The following CTNNA2 variants were observed in gnomAD, a reference collection of about 807,000 sequenced individuals.
CTNNA2 encodes catenin alpha 2, also known as catenin alpha-2.
A neutral mutation model predicts 101.0 loss-of-function variants in CTNNA2; 42 were observed. The ratio of observed to expected loss-of-function variants is 0.42; its 90% CI spans 0.32 to 0.54. The LOEUF (loss-of-function observed/expected upper bound fraction) is 0.54. Ranked by LOEUF, CTNNA2 falls within the 20% of genes least tolerant of loss-of-function variation. The pLI, the probability that CTNNA2 is intolerant of heterozygous loss-of-function variation, is 0.14. For synonymous variants in CTNNA2, 450 were observed against 456.4 expected, an observed-to-expected ratio of 0.99 and a Z score of 0.18; for missense variants, 871 against 1,223.1, an observed-to-expected ratio of 0.71 and a Z score of 4.29.
At chr2:79,191,885 G>A (rs1235293193) in intron 1 of CTNNA2, among the ~76,000 whole-genome samples, 1 of 152,136 alleles carries the variant, frequency 6.6e-6, no homozygotes, top group African/African-American at 2.4e-5. Flanking sequence ...GGCTGTATAT[G>A]TGAAAATGTG....
At chr2:80,358,758 A>T (rs1674094992) in intron 7 of CTNNA2, among the ~76,000 whole-genome samples, 1 of 152,148 alleles carries the variant, frequency 6.6e-6, no homozygotes, top group Admixed American at 6.5e-5. Flanking sequence ...TTATATCTCA[A>T]GTCTAACCAG....
chr2:80,306,400 T>C (rs767709140), intron 7 of CTNNA2, among the ~76,000 whole-genome samples: 7 of 109,200 alleles, frequency 6.4e-5, no homozygotes, highest in South Asian at 3.3e-4. Flanking sequence ...TTTTCTTTTC[T>C]TTTCTTTCTT....
At chr2:80,148,216 G>C (rs1036041140) in intron 7 of CTNNA2, among the ~76,000 whole-genome samples, 1 of 152,182 alleles carries the variant, frequency 6.6e-6, no homozygotes, top group East Asian at 1.9e-4. Flanking sequence ...AAAGGCATTG[G>C]CAGATTTCTT....
At chr2:79,414,915 G>A (rs750774898) in intron 4 of CTNNA2, among the ~76,000 whole-genome samples, 6 of 152,078 alleles carry the variant, frequency 3.9e-5, no homozygotes, top group East Asian at 1.9e-4. Flanking sequence ...CACCTGGCCC[G>A]GCCCAAGTTG....
intron 3 of CTNNA2, among the ~76,000 whole-genome samples, chr2:79,758,539 G>A (rs757267667): frequency 2.0e-5 from 3 of 152,138 alleles, no homozygotes; most frequent in African/African-American, 2.4e-5. Flanking sequence ...AATTAACCCC[G>A]TCACCCAGGT....
chr2:79,874,448 T>C, intron 6 of CTNNA2, 106 bp downstream of exon 6: 2 of 1,366,030 alleles, frequency 1.5e-6, no homozygotes, highest in East Asian at 4.6e-5. Flanking sequence ...TTGATTTTTC[T>C]CTTTTGGAGG....
At chr2:80,397,348 C>A (rs1287106495) in intron 8 of CTNNA2, among the ~76,000 whole-genome samples, 1 of 152,160 alleles carries the variant, frequency 6.6e-6, no homozygotes, top group Non-Finnish European at 1.5e-5. Flanking sequence ...AAGATTGTCA[C>A]CATGCTCATT....
intron 1 of CTNNA2, among the ~76,000 whole-genome samples, chr2:79,597,529 AAC>A (rs1162874383): frequency 1.3e-5 from 2 of 152,044 alleles, no homozygotes; most frequent in Non-Finnish European, 2.9e-5. Context: ...GAAAATATGC[AAC>A]AGTGGGACTG....
chr2:79,568,765 T>C (rs1315955633), intron 1 of CTNNA2, among the ~76,000 whole-genome samples: 2 of 148,220 alleles, frequency 1.3e-5, no homozygotes, highest in East Asian at 4.0e-4. Flanking sequence ...CTCACACCTG[T>C]AATCCCAGCA....
intron 2 of CTNNA2, among the ~76,000 whole-genome samples, chr2:79,300,772 T>C (rs1448014583): frequency 6.6e-6 from 1 of 152,226 alleles, no homozygotes; most frequent in East Asian, 1.9e-4. Context: ...TGATTTCAGC[T>C]ATGCCCTCCT....
At chr2:79,933,940 G>A (rs73938420) in intron 7 of CTNNA2, among the ~76,000 whole-genome samples, 24,899 of 152,124 alleles carry the variant, frequency 0.16, 2,112 homozygotes, top group Middle Eastern at 0.24. Context: ...TTAAAGATCA[G>A]TAATAAATAT....
At position 80,318,437 on chromosome 2, in the gene CTNNA2, T is replaced by C. The variant is rs139925492; in HGVS notation, c.1057-74774T>C. Reference sequence around the variant, plus strand: ...AGTGAAGATAGAGTTGGGATAGTTATGTTTAGGTTTGGGTTTTGCCACTTA... The same window carrying C: ...AGTGAAGATAGAGTTGGGATAGTTACGTTTAGGTTTGGGTTTTGCCACTTA... On this transcript the variant is annotated intron_variant, in intron 7 of 18. Coordinates refer to ENST00000402739, the MANE Select transcript of CTNNA2 (RefSeq NM_001282597.3). 3.5e-3 allele frequency among the ~76,000 whole-genome samples: 536 copies of C among 152,232 alleles called. 2 individuals carry two copies. Among genetic ancestry groups the C allele is most frequent in the Non-Finnish European group, 5.9e-3 (400 of 68,008 alleles).
chr2:79,551,028 T>C (rs959822259), intron 1 of CTNNA2, among the ~76,000 whole-genome samples: 1 of 152,208 alleles, frequency 6.6e-6, no homozygotes, highest in Admixed American at 6.5e-5. Context: ...TAAAAATTAT[T>C]ACTGTAGGAA....
chr2:79,523,382 A>G (rs1672224961), intron 1 of CTNNA2: 1 of 245,134 alleles, frequency 4.1e-6, no homozygotes, highest in African/African-American at 2.3e-5. Flanking sequence ...CTTTATTTTC[A>G]TTTTACATAT....
intron 3 of CTNNA2, among the ~76,000 whole-genome samples, chr2:79,353,998 C>A (rs1389184717): frequency 1.3e-5 from 2 of 151,970 alleles, no homozygotes; most frequent in Admixed American, 1.3e-4. Flanking sequence ...TAAAAATAGT[C>A]CCCCAGTCTA....
intron 7 of CTNNA2, among the ~76,000 whole-genome samples, chr2:80,096,464 A>C (rs1215082727): frequency 6.6e-6 from 1 of 152,182 alleles, no homozygotes; most frequent in Non-Finnish European, 1.5e-5. Context: ...GTGGTGCTGA[A>C]AAGAATATAT....
chr2:79,245,646 A>G (rs1674690373), intron 2 of CTNNA2, among the ~76,000 whole-genome samples: 1 of 152,182 alleles, frequency 6.6e-6, no homozygotes, highest in East Asian at 1.9e-4. Flanking sequence ...CATCTCTGGA[A>G]ATAAAATTGT....
At position 80,565,089 on chromosome 2, in the gene CTNNA2, A is replaced by C. The variant is rs187752165; in HGVS notation, c.1742-9074A>C. Among the ~76,000 whole-genome samples, 459 of 152,210 alleles carry C rather than the reference A, an allele frequency of 3.0e-3. 8 individuals carry two copies. Among genetic ancestry groups the C allele is most frequent in the African/African-American group, 0.011 (440 of 41,500 alleles). On this transcript the variant is annotated intron_variant, in intron 12 of 18. Transcript: ENST00000402739. ...ATGAGATAGAAAGGAAATAGTTTCA[A>C]GAGAATATTGGATGAAACTGGGTGG...
chr2:80,288,068 A>G (rs910918979), intron 7 of CTNNA2, among the ~76,000 whole-genome samples: 1 of 152,262 alleles, frequency 6.6e-6, no homozygotes, highest in East Asian at 1.9e-4. Flanking sequence ...GACACCTCAA[A>G]ACCCATTTTT....
Sources: allele counts gnomAD v4.1 joint callset (sites outside exome capture counted in the v4.1 genomes callset), GRCh38; gene constraint gnomAD v4.1.1; transcripts MANE v1.5; gene names NCBI Gene and HGNC (gene_info 2026-07-23, HGNC 2026-07-21).